Variants in RYR2 observed in about 807,000 individuals in gnomAD.
RYR2 encodes the protein cardiac muscle ryanodine receptor-calcium release channel.
Under a neutral mutation model 601.1 loss-of-function variants are expected in RYR2, and 227 were observed. The ratio of observed to expected loss-of-function variants is 0.38; its 90% confidence interval spans 0.34 to 0.42. The LOEUF (loss-of-function observed/expected upper bound fraction) is 0.42. RYR2 is among the 10% of genes least tolerant of loss of function. The pLI is 1.00. For synonymous variants in RYR2, 2,223 were observed against 2,175.1 expected, an observed-to-expected ratio of 1.02 and a Z score of -0.61; for missense variants, 4,646 against 6,156.5, an observed-to-expected ratio of 0.75 and a Z score of 8.21.
Position 237,589,975 on chromosome 1 carries a change from G to T in RYR2, c.3781G>T (p.Val1261Phe), listed in dbSNP as rs749810545. 1.2e-6 allele frequency: 2 copies of T among 1,613,808 alleles called. No homozygotes were observed. Among genetic ancestry groups the T allele is most frequent in the South Asian group, 2.2e-5 (2 of 91,072 alleles). Residue 1261 changes from valine to phenylalanine, a missense_variant, in exon 30 of 105, where the codon GTT becomes TTT. Coordinates refer to ENST00000366574, the MANE Select transcript of RYR2 (RefSeq NM_001035.3). The part of the protein sequence containing the change: ...LSKRLPQFLQ[V>F]PSNHEHIEVT... ...CAAGAGGCTTCCTCAGTTTCTTCAA[G>T]TTCCATCAAACCATGAACATATAGA...
chr1:237,242,198 T>TTTTTTTTTTTTTG (rs928421124), intron 1 of RYR2, among the ~76,000 whole-genome samples: 1 of 150,496 alleles, frequency 6.6e-6, no homozygotes, highest in African/African-American at 2.5e-5. Context: ...TCACTGTTTT[T>TTTTTTTTTTTTTG]TTTGTTTGTT....
intron 1 of RYR2, among the ~76,000 whole-genome samples, chr1:237,256,423 T>A (rs942514923): frequency 1.3e-5 from 2 of 152,174 alleles, no homozygotes; most frequent in African/African-American, 4.8e-5. Context: ...TGTATGGTGA[T>A]TATAGAAAGG....
intron 1 of RYR2, among the ~76,000 whole-genome samples, chr1:237,153,576 T>C (rs1373026606): frequency 1.3e-5 from 2 of 151,474 alleles, no homozygotes. Flanking sequence ...TTATAGATAG[T>C]CTGGGGGATG....
chr1:237,340,301 G>A (rs1428530394), intron 3 of RYR2, among the ~76,000 whole-genome samples: 1 of 152,174 alleles, frequency 6.6e-6, no homozygotes. Context: ...AACAAAAATA[G>A]ATTGAGTTGC....
intron 2 of RYR2, among the ~76,000 whole-genome samples, chr1:237,271,916 G>A (rs1689721851): frequency 6.6e-6 from 1 of 152,074 alleles, no homozygotes; most frequent in Non-Finnish European, 1.5e-5. Context: ...GATCACTTGA[G>A]GTCAGGAGTT....
chr1:237,669,028 C>T (rs952840021), intron 58 of RYR2, among the ~76,000 whole-genome samples: 33 of 151,498 alleles, frequency 2.2e-4, no homozygotes, highest in African/African-American at 8.0e-4. Flanking sequence ...CTGCGGCCTT[C>T]CGCAGTGTTT....
chr1:237,422,200 G>T lies in RYR2; in HGVS notation c.849-892G>T, dbSNP rs186986863. ...GCAAAGCAAGAACAGCTTGTATTTT[G>T]ATTTTTCTATTTTATCCTACCTGAA... On this transcript the variant is annotated intron_variant, in intron 11 of 104. Transcript: ENST00000366574. Among the ~76,000 whole-genome samples, 51 of 152,134 alleles carry T rather than the reference G, an allele frequency of 3.4e-4. No individual in the cohort carries two copies. The East Asian group carries it at 8.9e-3, about 27-fold the overall frequency.
chr1:237,530,304 C>T, intron 24 of RYR2, 123 bp from the exon 25 acceptor site: 8 of 635,894 alleles, frequency 1.3e-5, no homozygotes, highest in Non-Finnish European at 2.2e-5. Context: ...GAGCGAGACT[C>T]CGTCTCAAAA....
Position 237,106,837 on chromosome 1 carries a change from G to T in RYR2, c.48+64268G>T, listed in dbSNP as rs1418453332. Among the ~76,000 whole-genome samples, 1 of 152,180 alleles carries T rather than the reference G, an allele frequency of 6.6e-6. No individual in the cohort carries two copies. Among genetic ancestry groups the T allele is most frequent in the East Asian group, 1.9e-4 (1 of 5,186 alleles). ...GTGAAGGCTCGCTTCCTGGTTCATA[G>T]GCGGCTGTCTTCTTGCTGTGTTGTC... On this transcript the variant is annotated intron_variant, in intron 1 of 104. Transcript: ENST00000366574. The surrounding 1 kb of genome is among the most constrained non-coding windows in gnomAD (Gnocchi z 4.4).
intron 2 of RYR2, among the ~76,000 whole-genome samples, chr1:237,282,188 ATT>A (rs11413100): frequency 5.5e-5 from 8 of 145,386 alleles, no homozygotes; most frequent in African/African-American, 1.8e-4. Flanking sequence ...AAGTTGGCGC[ATT>A]TTTTTTTTTT....
intron 1 of RYR2, among the ~76,000 whole-genome samples, chr1:237,203,634 T>G (rs916455331): frequency 6.6e-5 from 10 of 152,226 alleles, no homozygotes; most frequent in Non-Finnish European, 1.3e-4. Flanking sequence ...AAATAGGTGG[T>G]TTGAATTTAT....
At chr1:237,522,906 C>T (rs6429025) in intron 24 of RYR2, among the ~76,000 whole-genome samples, 4,035 of 152,166 alleles carry the variant, frequency 0.027, 62 homozygotes, top group African/African-American at 0.044. Flanking sequence ...TCTTGCTTCC[C>T]TTATTTTGTG....
intron 1 of RYR2, among the ~76,000 whole-genome samples, chr1:237,242,303 T>C (rs902932760): frequency 2.0e-5 from 3 of 151,704 alleles, no homozygotes; most frequent in Non-Finnish European, 4.4e-5. Flanking sequence ...TTAGAAATCA[T>C]CTAGTATACC....
intron 53 of RYR2, 44 bp downstream of exon 53, chr1:237,656,028 G>A (rs1257432154): frequency 1.9e-5 from 30 of 1,586,324 alleles, no homozygotes; most frequent in Non-Finnish European, 2.6e-5. Context: ...TGTAAATGAT[G>A]TGTGAAGTCT....
chr1:237,605,817 A>G (rs990759271), intron 35 of RYR2, among the ~76,000 whole-genome samples: 2 of 152,096 alleles, frequency 1.3e-5, no homozygotes, highest in Admixed American at 6.6e-5. Flanking sequence ...CCCATTCACA[A>G]TTGCTTCCAA....
At chr1:237,803,460 C>A (rs988801238) in intron 98 of RYR2, among the ~76,000 whole-genome samples, 9 of 152,116 alleles carry the variant, frequency 5.9e-5, no homozygotes, top group Admixed American at 1.3e-4. Flanking sequence ...GCCACCACGC[C>A]CGGCTAATTT....
At chr1:237,618,365 G>A (rs937518709) in intron 38 of RYR2, among the ~76,000 whole-genome samples, 4 of 152,094 alleles carry the variant, frequency 2.6e-5, no homozygotes, top group African/African-American at 7.2e-5. Context: ...TGCTTTTCCC[G>A]ATTCTTCCTT....
Position 237,133,308 on chromosome 1 carries a change from C to T in RYR2, c.48+90739C>T, listed in dbSNP as rs1318538352. On this transcript the variant is annotated intron_variant, in intron 1 of 104. Transcript: ENST00000366574. The stretch of plus-strand genomic sequence containing the variant: ...AAGAACAAATCAAGAAAGTGACAGA[C>T]TACTTTCTTGAATGTGATAATCTGT... 2.6e-5 allele frequency among the ~76,000 whole-genome samples: 4 copies of T among 152,116 alleles called. No individual in the cohort carries two copies. The East Asian group carries it at 5.8e-4, about 22-fold the overall frequency.
intron 29 of RYR2, among the ~76,000 whole-genome samples, chr1:237,580,858 G>C (rs930125229): frequency 6.6e-6 from 1 of 152,112 alleles, no homozygotes; most frequent in African/African-American, 2.4e-5. Context: ...CCAGAAGGCT[G>C]CCATCTACAC....
Sources: allele counts gnomAD v4.1 joint callset (sites outside exome capture counted in the v4.1 genomes callset), GRCh38; gene constraint gnomAD v4.1.1; non-coding constraint Gnocchi (gnomAD v3.1); transcripts MANE v1.5; gene names NCBI Gene and HGNC (gene_info 2026-07-23, HGNC 2026-07-21).